The following MACROD2 variants were observed in gnomAD, a reference collection of about 807,000 sequenced individuals.
The protein encoded by MACROD2 is mono-ADP ribosylhydrolase 2.
MACROD2 carries 36 observed loss-of-function variants against 70.4 expected under a neutral mutation model. That is an observed-to-expected ratio of 0.51 (90% CI 0.39 to 0.68). The LOEUF (loss-of-function observed/expected upper bound fraction) is 0.68. Ranked by LOEUF, MACROD2 falls within the 30% of genes least tolerant of loss-of-function variation. The pLI is 0.00. For missense variants in MACROD2, 496 were observed against 538.4 expected, an observed-to-expected ratio of 0.92 and a Z score of 0.78; for synonymous variants, 172 against 178.8, an observed-to-expected ratio of 0.96 and a Z score of 0.30.
intron 5 of MACROD2, among the ~76,000 whole-genome samples, chr20:14,736,496 A>G (rs1169865499): frequency 6.6e-6 from 1 of 152,182 alleles, no homozygotes; most frequent in Non-Finnish European, 1.5e-5. Context: ...CCTAAAGTAA[A>G]CAAAGTGTTT....
intron 5 of MACROD2, among the ~76,000 whole-genome samples, chr20:15,153,419 G>A (rs1364410355): frequency 1.3e-5 from 2 of 152,110 alleles, no homozygotes; most frequent in Non-Finnish European, 2.9e-5. Context: ...AATGTCATCA[G>A]CTAAGGCAGG....
chr20:15,743,221 A>G (rs970428494), intron 8 of MACROD2, among the ~76,000 whole-genome samples: 1 of 152,166 alleles, frequency 6.6e-6, no homozygotes, highest in African/African-American at 2.4e-5. Context: ...CGGGCAAAGA[A>G]TAGAATCCCC....
intron 3 of MACROD2, among the ~76,000 whole-genome samples, chr20:14,250,159 A>T (rs1308239417): frequency 3.5e-5 from 2 of 56,674 alleles, no homozygotes; most frequent in African/African-American, 6.3e-5. Context: ...AGGTGGCTTC[A>T]TTCTGAAAAA....
intron 5 of MACROD2, among the ~76,000 whole-genome samples, chr20:14,710,544 C>T (rs962958789): frequency 3.3e-5 from 5 of 152,098 alleles, no homozygotes; most frequent in East Asian, 1.9e-4. Flanking sequence ...TCAATAAATA[C>T]GGAATAGTAG....
intron 4 of MACROD2, among the ~76,000 whole-genome samples, chr20:14,552,311 T>A (rs907896407): frequency 7.5e-6 from 1 of 132,832 alleles, no homozygotes; most frequent in African/African-American, 2.9e-5. Context: ...ACTATTCATA[T>A]CTCTATGTGG....
At chr20:14,698,715 A>G (rs2071155435) in intron 5 of MACROD2, among the ~76,000 whole-genome samples, 1 of 151,558 alleles carries the variant, frequency 6.6e-6, no homozygotes, top group Non-Finnish European at 1.5e-5. Context: ...CCTGTGAATG[A>G]GCAAATATGT....
At chr20:14,653,211 C>T (rs1405646877) in intron 4 of MACROD2, among the ~76,000 whole-genome samples, 1 of 147,100 alleles carries the variant, frequency 6.8e-6, no homozygotes, top group African/African-American at 2.5e-5. Flanking sequence ...CCAACATGTA[C>T]AGCAATTTTT....
chr20:15,111,452 G>A (rs1362553276), intron 5 of MACROD2, among the ~76,000 whole-genome samples: 1 of 152,084 alleles, frequency 6.6e-6, no homozygotes, highest in Non-Finnish European at 1.5e-5. Context: ...TTACAGGGGT[G>A]AGCCACTGCG....
chr20:15,623,359 G>T (rs141376130), intron 8 of MACROD2, among the ~76,000 whole-genome samples: 27 of 152,278 alleles, frequency 1.8e-4, no homozygotes, highest in Admixed American at 7.8e-4. Context: ...ACTTACATGC[G>T]CATCAAACAT....
At chr20:15,591,405 A>G (rs1004387406) in intron 8 of MACROD2, among the ~76,000 whole-genome samples, 2 of 152,028 alleles carry the variant, frequency 1.3e-5, no homozygotes, top group Non-Finnish European at 2.9e-5. Flanking sequence ...CTGGTAACCA[A>G]CCGGTCAACA....
At chr20:14,209,667 A>G (rs2081554968) in intron 3 of MACROD2, among the ~76,000 whole-genome samples, 1 of 152,134 alleles carries the variant, frequency 6.6e-6, no homozygotes, top group Non-Finnish European at 1.5e-5. Context: ...AGCCTACCAT[A>G]ATCAGAATGT....
At chr20:14,218,954 TG>T (rs2081647002) in intron 3 of MACROD2, among the ~76,000 whole-genome samples, 1 of 152,212 alleles carries the variant, frequency 6.6e-6, no homozygotes, top group Non-Finnish European at 1.5e-5. Context: ...TTCTGTCTCA[TG>T]GCTCTTAAGA....
At chr20:14,681,659 C>T (rs1457959988) in intron 4 of MACROD2, among the ~76,000 whole-genome samples, 2 of 152,134 alleles carry the variant, frequency 1.3e-5, no homozygotes. Context: ...TCTTTATTAG[C>T]ATCATGGTTA....
intron 3 of MACROD2, among the ~76,000 whole-genome samples, chr20:14,488,817 G>GT (rs1390870011): frequency 3.9e-5 from 6 of 151,972 alleles, no homozygotes; most frequent in South Asian, 2.1e-4. Flanking sequence ...AGCTTTTAGA[G>GT]TTTTTTTTGC....
chr20:15,648,833 G>A (rs1162779641), intron 8 of MACROD2, among the ~76,000 whole-genome samples: 2 of 151,966 alleles, frequency 1.3e-5, no homozygotes, highest in Non-Finnish European at 2.9e-5. Context: ...ATGAGAAAAA[G>A]GATGTCCTAA....
At chr20:15,300,749 G>A (rs1303818769) in intron 6 of MACROD2, among the ~76,000 whole-genome samples, 1 of 152,180 alleles carries the variant, frequency 6.6e-6, no homozygotes, top group Non-Finnish European at 1.5e-5. Flanking sequence ...CCTCAAGTGG[G>A]TAGGGTTAAG....
At position 16,049,840 on chromosome 20, in the gene MACROD2, A is replaced by G. The variant is rs374569449; in HGVS notation, c.1311A>G (p.Gln437=). ...TCTCTTTGTCTTCAGCAGGGGCACAAGATGAAGCGAAGGAACAAAGAAATG... is the reference window on the plus strand; with the variant it reads ...TCTCTTTGTCTTCAGCAGGGGCACAGGATGAAGCGAAGGAACAAAGAAATG... ...QQEDQLIAGA[Q]DEAKEQRNGT... The change falls in exon 18 of 18, where the codon CAA becomes CAG. Residue 437 remains glutamine (Q), a synonymous_variant. Transcript: ENST00000684519. The G allele has an allele frequency of 7.7e-5, 124 of 1,610,246 alleles. 1 individual carries two copies. The highest frequency in any genetic ancestry group is 9.7e-5 in the Non-Finnish European group (114 of 1,177,618).
At chr20:14,969,401 C>CAT (rs1555857964) in intron 5 of MACROD2, among the ~76,000 whole-genome samples, 2,605 of 135,726 alleles carry the variant, frequency 0.019, 75 homozygotes, top group African/African-American at 0.07. Flanking sequence ...CACACACACA[C>CAT]ATATATAAGC....
At chr20:14,204,573 G>A (rs1261348775) in intron 3 of MACROD2, among the ~76,000 whole-genome samples, 1 of 152,198 alleles carries the variant, frequency 6.6e-6, no homozygotes, top group Non-Finnish European at 1.5e-5. Flanking sequence ...GGGCCCATGA[G>A]GGCCAATAAG....
Sources: allele counts gnomAD v4.1 joint callset (sites outside exome capture counted in the v4.1 genomes callset), GRCh38; gene constraint gnomAD v4.1.1; transcripts MANE v1.5; gene names NCBI Gene and HGNC (gene_info 2026-07-23, HGNC 2026-07-21).